The following LRRFIP2 variants were observed in gnomAD, a reference collection of about 807,000 sequenced individuals.
LRRFIP2 encodes LRR binding FLII interacting protein 2, also known as leucine-rich repeat flightless-interacting protein 2.
LRRFIP2 carries 109 observed loss-of-function variants against 125.9 expected under a neutral mutation model. That is an observed-to-expected ratio of 0.87 (90% CI 0.74 to 1.01). The LOEUF is 1.01. Among genes scored for constraint, LRRFIP2 ranks in the 50% least tolerant of loss-of-function variants. The pLI is 0.00. For missense variants in LRRFIP2, 850 were observed against 862.3 expected, an observed-to-expected ratio of 0.99 and a Z score of 0.18; for synonymous variants, 291 against 293.1, an observed-to-expected ratio of 0.99 and a Z score of 0.07.
intron 2 of LRRFIP2, among the ~76,000 whole-genome samples, chr3:37,145,287 G>C (rs1259101914): frequency 6.6e-6 from 1 of 152,084 alleles, no homozygotes; most frequent in Non-Finnish European, 1.5e-5. Flanking sequence ...GAGACCTTTT[G>C]ACAGCAAAAA....
chr3:37,135,073 T>G, intron 2 of LRRFIP2: 1 of 1,384,818 alleles, frequency 7.2e-7, no homozygotes, highest in Non-Finnish European at 1.0e-6. Flanking sequence ...CAACAGAATA[T>G]CTCGGGAATG....
chr3:37,135,237 G>C, intron 2 of LRRFIP2: 2 of 624,198 alleles, frequency 3.2e-6, no homozygotes, highest in Non-Finnish European at 5.7e-6. Flanking sequence ...AAGGCGGGCT[G>C]ATCACTAGGT....
intron 1 of LRRFIP2, among the ~76,000 whole-genome samples, chr3:37,158,562 G>A (rs372404393): frequency 4.7e-5 from 7 of 150,470 alleles, no homozygotes; most frequent in African/African-American, 1.5e-4. Context: ...AGCCAAGGTC[G>A]CATCACTGCA....
At chr3:37,078,929 A>G (rs2092378790) in intron 19 of LRRFIP2, among the ~76,000 whole-genome samples, 1 of 152,250 alleles carries the variant, frequency 6.6e-6, no homozygotes, top group African/African-American at 2.4e-5. Flanking sequence ...CTGCAATGCA[A>G]CTGAAGATAT....
chr3:37,098,675 G>T (rs937770266), intron 15 of LRRFIP2, among the ~76,000 whole-genome samples: 1 of 152,126 alleles, frequency 6.6e-6, no homozygotes, highest in African/African-American at 2.4e-5. Flanking sequence ...TTACAGGCAT[G>T]AGCCACCATG....
chr3:37,165,924 A>G (rs1174105067), intron 1 of LRRFIP2, among the ~76,000 whole-genome samples: 4 of 152,210 alleles, frequency 2.6e-5, no homozygotes, highest in Admixed American at 2.0e-4. Context: ...TAAAACCATA[A>G]AACTCGTAGG....
intron 2 of LRRFIP2, among the ~76,000 whole-genome samples, chr3:37,137,542 T>C (rs1364631662): frequency 1.3e-5 from 2 of 152,194 alleles, no homozygotes; most frequent in African/African-American, 4.8e-5. Context: ...TATGAAATAA[T>C]ACTATTCTAG....
At chr3:37,113,305 T>C (rs1223326373) in intron 7 of LRRFIP2, among the ~76,000 whole-genome samples, 1 of 152,032 alleles carries the variant, frequency 6.6e-6, no homozygotes. Context: ...CCCTCTGACT[T>C]CTTTTTTTTC....
At chr3:37,066,355 A>C in intron 21 of LRRFIP2, 30 bp from the exon 22 acceptor site, 1 of 1,549,150 alleles carries the variant, frequency 6.5e-7, no homozygotes, top group African/African-American at 1.4e-5. Context: ...CAAGGGAAAC[A>C]ATGGCACAGA....
chr3:37,160,925 C>T lies in LRRFIP2; in HGVS notation c.-55-11887G>A, dbSNP rs150463272. 3.6e-3 allele frequency among the ~76,000 whole-genome samples: 541 copies of T among 152,186 alleles called. 2 individuals are homozygous for T. Among genetic ancestry groups the T allele is most frequent in the African/African-American group, 0.012 (507 of 41,530 alleles). ...CTTATGCCCACACAAAAACTTGTAA[C>T]GGAATATTCACAGTAGCACTACTCC... On this transcript the variant is annotated intron_variant, in intron 1 of 27. Coordinates refer to ENST00000336686, the MANE Select transcript of LRRFIP2 (RefSeq NM_006309.4).
At chr3:37,065,458 A>G in intron 23 of LRRFIP2, 1 of 428,306 alleles carries the variant, frequency 2.3e-6, no homozygotes, top group South Asian at 1.7e-5. Context: ...AGAAACTTAT[A>G]ACACACTTGA....
intron 2 of LRRFIP2, chr3:37,134,902 G>C: frequency 7.5e-7 from 1 of 1,336,072 alleles, no homozygotes; most frequent in Non-Finnish European, 1.1e-6. Context: ...AACAGTAATG[G>C]CAGCATTTGT....
chr3:37,094,352 A>G (rs1201191651), intron 17 of LRRFIP2, among the ~76,000 whole-genome samples: 2 of 152,210 alleles, frequency 1.3e-5, no homozygotes, highest in African/African-American at 4.8e-5. Flanking sequence ...TGTTACCCAA[A>G]TATTATTACA....
Position 37,061,917 on chromosome 3 carries a change from T to C in LRRFIP2, c.1749+1825A>G, listed in dbSNP as rs370655067. On this transcript the variant is annotated intron_variant, in intron 24 of 27. Transcript: ENST00000336686. ...ACTATTCCTCATCTTTCCAGGTCATTCTCTCTAGACCCGAATTCCAACAAC... is the reference window on the plus strand; with the variant it reads ...ACTATTCCTCATCTTTCCAGGTCATCCTCTCTAGACCCGAATTCCAACAAC... Among the ~76,000 whole-genome samples, 6 of 152,284 alleles carry C rather than the reference T, an allele frequency of 3.9e-5. No homozygotes were observed. The East Asian group carries it at 7.7e-4, about 20-fold the overall frequency.
chr3:37,147,388 C>CATT (rs2095883087), intron 2 of LRRFIP2, among the ~76,000 whole-genome samples: 1 of 152,184 alleles, frequency 6.6e-6, no homozygotes, highest in Non-Finnish European at 1.5e-5. Context: ...TATAAAAATA[C>CATT]CTGCACATGT....
chr3:37,079,839 T>G (rs532519651), intron 19 of LRRFIP2, among the ~76,000 whole-genome samples: 1 of 152,260 alleles, frequency 6.6e-6, no homozygotes, highest in East Asian at 1.9e-4. Context: ...GACCATGTAT[T>G]ATATGACTCC....
chr3:37,146,827 T>A (rs6550458), intron 2 of LRRFIP2, among the ~76,000 whole-genome samples: 61,584 of 151,908 alleles, frequency 0.41, 13,328 homozygotes, highest in Non-Finnish European at 0.48. Context: ...AAATTTCATG[T>A]TCAAAAGCAA....
intron 7 of LRRFIP2, among the ~76,000 whole-genome samples, chr3:37,113,745 C>G (rs1483528389): frequency 6.6e-6 from 1 of 152,116 alleles, no homozygotes; most frequent in Non-Finnish European, 1.5e-5. Flanking sequence ...ACTCTTAACC[C>G]AAATTAGTGA....
At chr3:37,103,685 C>G (rs1290615860) in intron 14 of LRRFIP2, among the ~76,000 whole-genome samples, 2 of 152,162 alleles carry the variant, frequency 1.3e-5, no homozygotes, top group African/African-American at 4.8e-5. Flanking sequence ...AGAAGCATCT[C>G]TAATCACCCC....
Sources: gnomAD v4.1 joint callset for allele counts (sites outside exome capture counted in the v4.1 genomes callset) on GRCh38, gnomAD v4.1.1 for gene constraint, MANE v1.5 for transcripts, NCBI Gene and HGNC (gene_info 2026-07-23, HGNC 2026-07-21) for gene names.